Variants in HACD2 observed in about 807,000 individuals in gnomAD.
The protein encoded by HACD2 is very-long-chain (3R)-3-hydroxyacyl-CoA dehydratase 2.
In HACD2, 15 loss-of-function variants were observed where a neutral mutation model predicts 31.0. The ratio of observed to expected loss-of-function variants is 0.48; its 90% CI spans 0.32 to 0.75. The LOEUF (loss-of-function observed/expected upper bound fraction) is 0.75, where lower values mean the gene tolerates loss of function less well. HACD2 is among the 30% of genes least tolerant of loss of function. The pLI, the probability that HACD2 is intolerant of heterozygous loss-of-function variation, is 0.03. For synonymous variants in HACD2, 115 were observed against 122.2 expected (o/e 0.94, Z 0.39); for missense variants, 283 against 313.0 (o/e 0.90, Z 0.72).
intron 1 of HACD2, 90 bp from the exon 2 acceptor site, chr3:123,582,419 T>C (rs1288161037): frequency 1.3e-6 from 1 of 794,566 alleles, no homozygotes; most frequent in African/African-American, 1.8e-5. Flanking sequence ...TAAAAGATAT[T>C]GCTAAAGGTG....
chr3:123,514,133 A>G (rs1474159198), intron 4 of HACD2, among the ~76,000 whole-genome samples: 1 of 152,030 alleles, frequency 6.6e-6, no homozygotes, highest in African/African-American at 2.4e-5. Context: ...AAATTAGCCG[A>G]GCGTGGTGGC....
chr3:123,576,149 G>C (rs1292408988), intron 2 of HACD2, among the ~76,000 whole-genome samples: 1 of 152,088 alleles, frequency 6.6e-6, no homozygotes, highest in African/African-American at 2.4e-5. Flanking sequence ...ATATGAGAAC[G>C]TGAGTGGAAA....
intron 3 of HACD2, among the ~76,000 whole-genome samples, chr3:123,565,743 A>C (rs990030778): frequency 6.6e-6 from 1 of 152,224 alleles, no homozygotes; most frequent in Non-Finnish European, 1.5e-5. Context: ...AGTCATGTGG[A>C]GAAGGCCTGA....
chr3:123,550,577 G>C (rs1193906517), intron 3 of HACD2, among the ~76,000 whole-genome samples: 1 of 152,206 alleles, frequency 6.6e-6, no homozygotes, highest in Non-Finnish European at 1.5e-5. Flanking sequence ...TGGTGAAGAA[G>C]ACAAAGGCTG....
intron 4 of HACD2, among the ~76,000 whole-genome samples, chr3:123,511,585 A>G (rs1019532741): frequency 6.6e-6 from 1 of 152,238 alleles, no homozygotes; most frequent in African/African-American, 2.4e-5. Flanking sequence ...GAGGTTCACC[A>G]AGAAAGACTG....
At chr3:123,507,214 C>CA (rs1177727866) in intron 4 of HACD2, among the ~76,000 whole-genome samples, 1 of 152,110 alleles carries the variant, frequency 6.6e-6, no homozygotes, top group Non-Finnish European at 1.5e-5. Flanking sequence ...ATGATGGTGC[C>CA]ACTGCACTCC....
chr3:123,583,349 G>T (rs895451549), intron 1 of HACD2, among the ~76,000 whole-genome samples: 2 of 152,034 alleles, frequency 1.3e-5, no homozygotes, highest in African/African-American at 4.8e-5. Flanking sequence ...TCCCTCTCCA[G>T]TCCAATGCCC....
intron 2 of HACD2, among the ~76,000 whole-genome samples, chr3:123,574,289 A>G (rs2056885748): frequency 6.6e-6 from 1 of 152,246 alleles, no homozygotes; most frequent in Non-Finnish European, 1.5e-5. Flanking sequence ...GTAACTGGGT[A>G]GTCCTGCTTT....
At chr3:123,537,392 C>T (rs2056438866) in intron 3 of HACD2, among the ~76,000 whole-genome samples, 1 of 152,020 alleles carries the variant, frequency 6.6e-6, no homozygotes. Flanking sequence ...CAGTGAGACT[C>T]CACATCTACA....
In HACD2 at chr3:123,575,110, A is replaced by AT. The variant is rs34388496; in HGVS notation, c.273+7101dup. Among the ~76,000 whole-genome samples, 871 of 143,566 alleles carry AT rather than the reference A, an allele frequency of 6.1e-3. 5 individuals carry two copies. The highest frequency in any genetic ancestry group is 0.017 in the African/African-American group (675 of 38,912). The allele number at this position is 143,566 out of a possible 152,430, so 94.2% of individuals were successfully genotyped here. A position where few individuals can be genotyped will look rare whatever the true frequency, so the allele number is the denominator to read the frequency against. ...CTTAAATAAAGAGTAAAGAATTTTCATTTTTTTTTTTTTTGGAAAACAGGG... is the reference window on the plus strand; with the variant it reads ...CTTAAATAAAGAGTAAAGAATTTTCATTTTTTTTTTTTTTTGGAAAACAGGG... On this transcript the variant is annotated intron_variant, in intron 2 of 6. Coordinates refer to ENST00000383657, the MANE Select transcript of HACD2 (RefSeq NM_198402.5).
chr3:123,502,732 A>G, intron 4 of HACD2, 51 bp from the exon 5 acceptor site: 2 of 1,551,156 alleles, frequency 1.3e-6, no homozygotes, highest in Non-Finnish European at 1.7e-6. Context: ...AACGTTAATG[A>G]AGACAGTGTG....
At chr3:123,500,036 T>A (rs755280131) in intron 6 of HACD2, among the ~76,000 whole-genome samples, 5 of 152,142 alleles carry the variant, frequency 3.3e-5, no homozygotes, top group East Asian at 1.9e-4. Flanking sequence ...TAGAAAAAAA[T>A]AAATCTATTA....
rs1453343688 is a variant in HACD2, at chr3:123,494,044, A to G, written c.*844T>C. Reference sequence around the variant, plus strand: ...TCAGGGCCATCAGTGCATCAGTGAGAATAGCTACTGGCAAACACGTTACTC... The same window carrying G: ...TCAGGGCCATCAGTGCATCAGTGAGGATAGCTACTGGCAAACACGTTACTC... On this transcript the variant is annotated 3_prime_UTR_variant, in exon 7 of 7. Coordinates refer to ENST00000383657, the MANE Select transcript of HACD2 (RefSeq NM_198402.5). The G allele has an allele frequency of 1.3e-5, 2 of 152,226 alleles. No individual in the cohort carries two copies. Among genetic ancestry groups the G allele is most frequent in the African/African-American group, 4.8e-5 (2 of 41,458 alleles). 9.4% of individuals were successfully genotyped at this position (152,226 alleles called of 1,614,324 possible).
chr3:123,574,637 G>A (rs181568674), intron 2 of HACD2, among the ~76,000 whole-genome samples: 341 of 151,562 alleles, frequency 2.2e-3, no homozygotes, highest in African/African-American at 7.7e-3. Context: ...CATTCATCTT[G>A]TTTTCAATTA....
Position 123,528,390 on chromosome 3 carries a change from T to C in HACD2, c.377A>G (p.Lys126Arg). 1 of 1,595,528 alleles carries C rather than the reference T, an allele frequency of 6.3e-7. No individual in the cohort carries two copies. Among genetic ancestry groups the C allele is most frequent in the Non-Finnish European group, 8.6e-7 (1 of 1,163,132 alleles). Reference sequence around the variant, plus strand: ...TTGGTCTATATAAACACTTACCTCTTTGACGCTATGTGTTACTGCCCATAT... The same window carrying C: ...TTGGTCTATATAAACACTTACCTCTCTGACGCTATGTGTTACTGCCCATAT... The part of the protein sequence containing the change: ...FLIWAVTHSV[K>R]EVQSEDSVLL... Residue 126 changes from lysine (K) to arginine (R), a missense_variant, in exon 4 of 7, where the codon AAA (lysine) becomes AGA (arginine). Lys to Arg is a conservative substitution (Grantham distance 26). This residue lies in a region of HACD2 where 85 missense variants were observed against 129.6 expected (regional missense o/e 0.66). Coordinates refer to ENST00000383657, the MANE Select transcript of HACD2 (RefSeq NM_198402.5).
At chr3:123,549,150 A>G (rs1005350307) in intron 3 of HACD2, among the ~76,000 whole-genome samples, 2 of 151,932 alleles carry the variant, frequency 1.3e-5, no homozygotes, top group Admixed American at 1.3e-4. Flanking sequence ...TAAGGTTAAA[A>G]GATTATTCCT....
chr3:123,535,158 C>T (rs968208971), intron 3 of HACD2, among the ~76,000 whole-genome samples: 3 of 152,178 alleles, frequency 2.0e-5, no homozygotes, highest in Non-Finnish European at 4.4e-5. Context: ...ACTTCCAGTC[C>T]TGCAAGCTCC....
intron 2 of HACD2, among the ~76,000 whole-genome samples, chr3:123,578,347 T>C (rs2056930125): frequency 6.6e-6 from 1 of 152,202 alleles, no homozygotes; most frequent in East Asian, 1.9e-4. Flanking sequence ...CATGGCTCAC[T>C]GTAGCCTTGA....
At chr3:123,521,656 G>C (rs2056216697) in intron 4 of HACD2, among the ~76,000 whole-genome samples, 1 of 150,846 alleles carries the variant, frequency 6.6e-6, no homozygotes, top group African/African-American at 2.4e-5. Context: ...TTCAGGAGCA[G>C]AGTCACCACA....
Sources: gnomAD v4.1 joint callset for allele counts (sites outside exome capture counted in the v4.1 genomes callset) on GRCh38, gnomAD v4.1.1 for gene constraint, gnomAD v4.1.1 regional missense constraint, MANE v1.5 for transcripts, NCBI Gene and HGNC (gene_info 2026-07-23, HGNC 2026-07-21) for gene names.